The following DGKB variants were observed in gnomAD, a reference collection of about 807,000 sequenced individuals.
DGKB encodes the protein diacylglycerol kinase beta.
A neutral mutation model predicts 114.3 loss-of-function variants in DGKB; 67 were observed. The observed-to-expected ratio is 0.59, with a 90% CI of 0.48 to 0.72. DGKB has a LOEUF of 0.72. DGKB is among the 30% of genes least tolerant of loss of function. The probability of loss-of-function intolerance (pLI) is 0.00; values close to 1 mark genes in which losing one functional copy is unlikely to be tolerated. For synonymous variants in DGKB, 398 were observed against 323.1 expected (o/e 1.23, Z -2.49); for missense variants, 907 against 975.2 (o/e 0.93, Z 0.93).
chr7:14,616,728 C>T (rs1231229190), intron 15 of DGKB, among the ~76,000 whole-genome samples: 1 of 151,780 alleles, frequency 6.6e-6, no homozygotes, highest in Non-Finnish European at 1.5e-5. Context: ...CTCTCAATCT[C>T]CCATGACTCT....
At chr7:14,897,057 G>A (rs925579412) in intron 1 of DGKB, among the ~76,000 whole-genome samples, 4 of 151,748 alleles carry the variant, frequency 2.6e-5, no homozygotes, top group African/African-American at 7.2e-5. Context: ...AAATAGCTGC[G>A]CATTTCTCAT....
intron 23 of DGKB, among the ~76,000 whole-genome samples, chr7:14,245,716 T>G (rs1386181490): frequency 6.6e-6 from 1 of 151,916 alleles, no homozygotes; most frequent in Non-Finnish European, 1.5e-5. Flanking sequence ...TCACCTGAGG[T>G]GAGGAGTGCG....
At chr7:14,381,757 A>T (rs1391989614) in intron 21 of DGKB, among the ~76,000 whole-genome samples, 1 of 152,178 alleles carries the variant, frequency 6.6e-6, no homozygotes, top group South Asian at 2.1e-4. Context: ...CTACAGGTGC[A>T]GGCCACTGTG....
chr7:14,779,352 A>G (rs1029481664), intron 2 of DGKB, among the ~76,000 whole-genome samples: 10 of 152,016 alleles, frequency 6.6e-5, no homozygotes, highest in Non-Finnish European at 1.3e-4. Context: ...TCTGGGAAAC[A>G]TGGTGAAACC....
At chr7:14,694,552 CTT>C (rs1343885174) in intron 8 of DGKB, among the ~76,000 whole-genome samples, 18 of 152,100 alleles carry the variant, frequency 1.2e-4, no homozygotes, top group Admixed American at 1.2e-3. Context: ...AACAAATTAA[CTT>C]CATGGCAAAG....
At chr7:14,457,998 C>A (rs1832531520) in intron 21 of DGKB, among the ~76,000 whole-genome samples, 1 of 152,176 alleles carries the variant, frequency 6.6e-6, no homozygotes, top group African/African-American at 2.4e-5. Context: ...TGCGGCAAGG[C>A]TGAGTGCATG....
At chr7:14,493,797 G>T (rs1784912841) in intron 20 of DGKB, among the ~76,000 whole-genome samples, 1 of 151,888 alleles carries the variant, frequency 6.6e-6, no homozygotes, top group South Asian at 2.1e-4. Context: ...TGAAACCGTG[G>T]AAAGCACAAC....
intron 20 of DGKB, among the ~76,000 whole-genome samples, chr7:14,523,572 C>A (rs1223169272): frequency 6.6e-6 from 1 of 152,074 alleles, no homozygotes; most frequent in Non-Finnish European, 1.5e-5. Context: ...ACACATAAAA[C>A]ATAAATGCTT....
chr7:14,914,802 G>A (rs560472636), intron 1 of DGKB, among the ~76,000 whole-genome samples: 1 of 151,302 alleles, frequency 6.6e-6, no homozygotes, highest in South Asian at 2.1e-4. Flanking sequence ...ACAGAGAGAA[G>A]ACTGCTCTAA....
At chr7:14,576,604 G>A (rs1308670165) in intron 19 of DGKB, among the ~76,000 whole-genome samples, 3 of 151,994 alleles carry the variant, frequency 2.0e-5, no homozygotes, top group African/African-American at 7.2e-5. Context: ...AGAAATACTA[G>A]TAAATAATAA....
chr7:14,962,391 C>T (rs773731731), intron 1 of DGKB, among the ~76,000 whole-genome samples: 1 of 151,882 alleles, frequency 6.6e-6, no homozygotes, highest in African/African-American at 2.4e-5. Context: ...ATTGTGTTGC[C>T]TTTTTTAAAG....
intron 8 of DGKB, among the ~76,000 whole-genome samples, chr7:14,694,922 C>A (rs1823547601): frequency 6.6e-6 from 1 of 152,080 alleles, no homozygotes; most frequent in Non-Finnish European, 1.5e-5. Context: ...AAACATATTA[C>A]CCTTGGTTGC....
chr7:14,645,333 G>A (rs1812727366), intron 13 of DGKB, among the ~76,000 whole-genome samples: 1 of 152,110 alleles, frequency 6.6e-6, no homozygotes, highest in Non-Finnish European at 1.5e-5. Flanking sequence ...TTGAACTGCA[G>A]GAGCAAAAGA....
chr7:14,726,802 C>T (rs986953713), intron 5 of DGKB, among the ~76,000 whole-genome samples: 1 of 152,122 alleles, frequency 6.6e-6, no homozygotes, highest in Admixed American at 6.5e-5. Flanking sequence ...ATACAACTAG[C>T]CCTTTATAAT....
chr7:14,885,083 T>C (rs1009693758), intron 1 of DGKB, among the ~76,000 whole-genome samples: 1 of 151,944 alleles, frequency 6.6e-6, no homozygotes, highest in Non-Finnish European at 1.5e-5. Flanking sequence ...AGACGATTGC[T>C]GACTTGAAAG....
chr7:14,679,902 T>C (rs563404912), intron 12 of DGKB, among the ~76,000 whole-genome samples: 1 of 152,110 alleles, frequency 6.6e-6, no homozygotes, highest in Non-Finnish European at 1.5e-5. Flanking sequence ...ATTAAGTAAA[T>C]GTGTCCCTAA....
chr7:14,285,169 T>C (rs1800678370), intron 23 of DGKB, among the ~76,000 whole-genome samples: 1 of 152,206 alleles, frequency 6.6e-6, no homozygotes, highest in Non-Finnish European at 1.5e-5. Context: ...TATTTCCTAA[T>C]ATATGCATCT....
chr7:14,259,407 C>CTA lies in DGKB; in HGVS notation c.2122+79106_2122+79107dup, dbSNP rs71975347. ...TCTCTCTCTCTCTCTCTCTCTCTCTCTATATATATATATATATATATGGTT... is the reference window on the plus strand; with the variant it reads ...TCTCTCTCTCTCTCTCTCTCTCTCTCTATATATATATATATATATATATGGTT... On this transcript the variant is annotated intron_variant, in intron 23 of 25. Transcript: ENST00000402815. 3.8e-3 allele frequency among the ~76,000 whole-genome samples: 415 copies of CTA among 108,186 alleles called. 1 individual carries two copies. Among genetic ancestry groups the CTA allele is most frequent in the East Asian group, 0.014 (61 of 4,232 alleles). The allele number at this position is 108,186 out of a possible 152,430, so 71.0% of individuals were successfully genotyped here.
At chr7:14,942,341 G>A (rs564279280) in intron 1 of DGKB, among the ~76,000 whole-genome samples, 9 of 151,800 alleles carry the variant, frequency 5.9e-5, no homozygotes, top group African/African-American at 1.9e-4. Flanking sequence ...TTTAAAACAC[G>A]ATATATTCAG....
Sources: allele counts gnomAD v4.1 joint callset (sites outside exome capture counted in the v4.1 genomes callset), GRCh38; gene constraint gnomAD v4.1.1; transcripts MANE v1.5; gene names NCBI Gene and HGNC (gene_info 2026-07-23, HGNC 2026-07-21).